The following IL18 variants were observed in gnomAD, a reference collection of about 807,000 sequenced individuals.
IL18 encodes the protein interleukin 18, also known as interleukin-18.
Under a neutral mutation model 14.2 loss-of-function variants are expected in IL18, and 8 were observed. The observed-to-expected ratio is 0.56, with a 90% CI of 0.33 to 1.01. The LOEUF is 1.01. Ranked by LOEUF, IL18 falls within the 50% of genes least tolerant of loss-of-function variation. The pLI is 0.03. For missense variants in IL18, 166 were observed against 231.1 expected, an observed-to-expected ratio of 0.72 and a Z score of 1.83; for synonymous variants, 67 against 71.0, an observed-to-expected ratio of 0.94 and a Z score of 0.28.
chr11:112,143,774 A>T lies in IL18; in HGVS notation c.404T>A (p.Ile135Asn), dbSNP rs756454973. 1 of 1,612,202 alleles carries T rather than the reference A, an allele frequency of 6.2e-7. No individual in the cohort carries two copies. Among genetic ancestry groups the T allele is most frequent in the African/African-American group, 1.3e-5 (1 of 74,882 alleles). ...TGGGACACTTCTCTGAAAGAATATGATGTCACTTTTTGTATCCTTGATGTT... is the reference window on the plus strand; with the variant it reads ...TGGGACACTTCTCTGAAAGAATATGTTGTCACTTTTTGTATCCTTGATGTT... The part of the protein sequence containing the change: ...PDNIKDTKSD[I>N]IFFQRSVPGH... Residue 135 changes from isoleucine to asparagine, a missense_variant, in exon 6 of 6, where the codon ATC becomes AAC. Physicochemically the swap from Ile to Asn is moderately radical, Grantham distance 149. Coordinates refer to ENST00000280357, the MANE Select transcript of IL18 (RefSeq NM_001562.4).
intron 5 of IL18, among the ~76,000 whole-genome samples, chr11:112,144,838 G>A (rs1239819283): frequency 1.3e-5 from 2 of 152,204 alleles, no homozygotes; most frequent in African/African-American, 4.8e-5. Flanking sequence ...ATTCTTGTAT[G>A]TTTCAGTCAC....
chr11:112,154,453 G>A (rs575004569), intron 2 of IL18, among the ~76,000 whole-genome samples: 1 of 151,898 alleles, frequency 6.6e-6, no homozygotes, highest in Admixed American at 6.6e-5. Flanking sequence ...TTGAACCCAG[G>A]AGGTGGAGGT....
chr11:112,150,251 G>GTCAAT (rs750070576), intron 3 of IL18, 45 bp from the exon 4 acceptor site: 2 of 1,293,132 alleles, frequency 1.5e-6, no homozygotes, highest in Non-Finnish European at 2.2e-6. Context: ...TAGTTTCTTT[G>GTCAAT]TTAATTGACA....
intron 2 of IL18, 22 bp downstream of exon 2, chr11:112,154,953 T>C (rs200969913): frequency 2.8e-6 from 4 of 1,450,638 alleles, no homozygotes; most frequent in Non-Finnish European, 3.9e-6. Flanking sequence ...ACCTGGTATT[T>C]GTTCTATGGC....
At chr11:112,146,746 TC>T (rs765415600) in intron 5 of IL18, among the ~76,000 whole-genome samples, 1 of 148,522 alleles carries the variant, frequency 6.7e-6, no homozygotes, top group Non-Finnish European at 1.5e-5. Context: ...CCTCACTCTC[TC>T]CCCCCCTCCA....
At chr11:112,150,307 A>G (rs1398848325) in intron 3 of IL18, 101 bp from the exon 4 acceptor site, 36 of 758,348 alleles carry the variant, frequency 4.7e-5, no homozygotes, top group Non-Finnish European at 7.0e-5. Context: ...ATTAATGACA[A>G]TCTTCTGTTC....
At chr11:112,144,595 A>G (rs899984756) in intron 5 of IL18, among the ~76,000 whole-genome samples, 1 of 152,222 alleles carries the variant, frequency 6.6e-6, no homozygotes, top group Non-Finnish European at 1.5e-5. Flanking sequence ...AGAAAGTGCC[A>G]GGAATCTTAG....
chr11:112,150,415 G>T, intron 3 of IL18: 1 of 454,252 alleles, frequency 2.2e-6, no homozygotes, highest in Non-Finnish European at 4.0e-6. Flanking sequence ...TGCCTCTGAA[G>T]TGTTAACTTC....
chr11:112,157,570 G>A (rs781458804), intron 1 of IL18, among the ~76,000 whole-genome samples: 1 of 152,168 alleles, frequency 6.6e-6, no homozygotes, highest in African/African-American at 2.4e-5. Flanking sequence ...AATGACGTAA[G>A]AGCTGAATTT....
At chr11:112,153,499 A>ATTT in intron 3 of IL18, 93 bp downstream of exon 3, 5 of 657,804 alleles carry the variant, frequency 7.6e-6, no homozygotes, top group East Asian at 3.6e-5. Context: ...CATGAGAACC[A>ATTT]TTTTTTTTTT....
At chr11:112,163,302 A>G (rs1041245368) in intron 1 of IL18, among the ~76,000 whole-genome samples, 3 of 152,140 alleles carry the variant, frequency 2.0e-5, no homozygotes, top group African/African-American at 7.2e-5. Context: ...TTTTAATGTA[A>G]CTGATTCTGT....
At chr11:112,162,611 T>C (rs1182461649) in intron 1 of IL18, among the ~76,000 whole-genome samples, 4 of 152,064 alleles carry the variant, frequency 2.6e-5, no homozygotes, top group African/African-American at 9.7e-5. Context: ...TTCCAAAGTG[T>C]TGGGATTACA....
intron 1 of IL18, among the ~76,000 whole-genome samples, chr11:112,159,485 G>C (rs756296081): frequency 6.6e-6 from 1 of 152,118 alleles, no homozygotes; most frequent in Non-Finnish European, 1.5e-5. Context: ...ACTAAACAGC[G>C]GGATTTCTCA....
At chr11:112,145,826 A>G (rs1267319916) in intron 5 of IL18, among the ~76,000 whole-genome samples, 3 of 152,198 alleles carry the variant, frequency 2.0e-5, no homozygotes, top group Admixed American at 6.5e-5. Context: ...AATCTCTTTA[A>G]TCACACTTAT....
At chr11:112,149,987 G>T in intron 4 of IL18, 85 bp downstream of exon 4, 1 of 1,173,052 alleles carries the variant, frequency 8.5e-7, no homozygotes, top group East Asian at 2.4e-5. Context: ...CTGAGGATTG[G>T]GACTAGCACG....
intron 5 of IL18, among the ~76,000 whole-genome samples, chr11:112,148,319 T>C (rs984583557): frequency 6.6e-6 from 1 of 152,218 alleles, no homozygotes; most frequent in African/African-American, 2.4e-5. Context: ...GACTGATTGT[T>C]CAGGAGATGC....
chr11:112,159,320 A>T (rs1217935401), intron 1 of IL18, among the ~76,000 whole-genome samples: 1 of 152,136 alleles, frequency 6.6e-6, no homozygotes, highest in Non-Finnish European at 1.5e-5. Flanking sequence ...CTGGGCAGCA[A>T]AAGCGAAACT....
chr11:112,159,531 A>G (rs1391236701), intron 1 of IL18, among the ~76,000 whole-genome samples: 1 of 152,204 alleles, frequency 6.6e-6, no homozygotes, highest in South Asian at 2.1e-4. Flanking sequence ...AGAAGGAGGA[A>G]CTGAGGATGA....
chr11:112,150,449 C>T, intron 3 of IL18: 1 of 355,112 alleles, frequency 2.8e-6, no homozygotes, highest in Non-Finnish European at 5.2e-6. Flanking sequence ...TCTGACCGGT[C>T]TCTTACCCTT....
Sources: gnomAD v4.1 joint callset for allele counts (sites outside exome capture counted in the v4.1 genomes callset) on GRCh38, gnomAD v4.1.1 for gene constraint, MANE v1.5 for transcripts, NCBI Gene and HGNC (gene_info 2026-07-23, HGNC 2026-07-21) for gene names.